ATP2C1: variants seen among roughly 807,000 people sequenced by gnomAD.
The protein encoded by ATP2C1 is calcium-transporting ATPase type 2C member 1.
ATP2C1 carries 31 observed loss-of-function variants against 120.5 expected under a neutral mutation model. The ratio of observed to expected loss-of-function variants is 0.26; its 90% CI spans 0.19 to 0.35. ATP2C1 has a LOEUF of 0.35. Ranked by LOEUF, ATP2C1 falls within the 10% of genes least tolerant of loss-of-function variation. ATP2C1 has a pLI of 1.00. For missense variants in ATP2C1, 731 were observed against 1,107.5 expected (o/e 0.66, Z 4.83); for synonymous variants, 351 against 358.7 (o/e 0.98, Z 0.24).
At chr3:130,971,923 G>C (rs773472659) in intron 17 of ATP2C1, among the ~76,000 whole-genome samples, 2 of 152,138 alleles carry the variant, frequency 1.3e-5, no homozygotes, top group South Asian at 2.1e-4. Flanking sequence ...ATACATGAAG[G>C]CTGGCATCTC....
At chr3:131,006,435 C>T (rs765442778), downstream of ATP2C1, among the ~76,000 whole-genome samples, 1 of 151,968 alleles carries the variant, frequency 6.6e-6, no homozygotes, top group African/African-American at 2.4e-5. Context: ...AAATTTTACT[C>T]GTAATTTTTT....
chr3:130,918,954 T>G (rs1489986903), intron 2 of ATP2C1: 2 of 370,558 alleles, frequency 5.4e-6, no homozygotes, highest in Admixed American at 3.5e-5. Flanking sequence ...ATCGCGCCAC[T>G]GCACTCCAGC....
chr3:130,951,061 G>A (rs1405246916), intron 8 of ATP2C1, among the ~76,000 whole-genome samples: 17 of 152,062 alleles, frequency 1.1e-4, no homozygotes, highest in Admixed American at 1.1e-3. Context: ...TAAGATCTTG[G>A]AAAGTTACGT....
chr3:130,920,731 A>G (rs1190249199), intron 2 of ATP2C1, among the ~76,000 whole-genome samples: 7 of 152,190 alleles, frequency 4.6e-5, no homozygotes, highest in Non-Finnish European at 1.0e-4. Context: ...TGGAATTTTG[A>G]TAGTGATTGC....
chr3:130,914,389 G>A (rs2058587527), intron 2 of ATP2C1: 1 of 152,032 alleles, frequency 6.6e-6, no homozygotes, highest in East Asian at 1.9e-4. Context: ...GAGTAGAAAG[G>A]TGTTGGATCT....
intron 8 of ATP2C1, among the ~76,000 whole-genome samples, chr3:130,942,209 G>C (rs954253372): frequency 2.0e-5 from 3 of 152,188 alleles, no homozygotes; most frequent in African/African-American, 7.2e-5. Flanking sequence ...AAATCACTAT[G>C]AACATTCCAG....
chr3:130,945,626 G>T (rs1193310900), intron 8 of ATP2C1, among the ~76,000 whole-genome samples: 1 of 150,532 alleles, frequency 6.6e-6, no homozygotes, highest in African/African-American at 2.4e-5. Flanking sequence ...TTTGGTTTTG[G>T]GTCCTTGTGA....
intron 8 of ATP2C1, among the ~76,000 whole-genome samples, chr3:130,946,132 G>T (rs1374509143): frequency 6.6e-6 from 1 of 152,124 alleles, no homozygotes; most frequent in East Asian, 1.9e-4. Context: ...TTCTTTCAGA[G>T]AATTACCACT....
At position 130,917,503 on chromosome 3, in the gene ATP2C1, A is replaced by C. The variant is rs148105408; in HGVS notation, c.7-12913A>C. On this transcript the variant is annotated intron_variant, in intron 2 of 27. Coordinates refer to ENST00000510168, the MANE Select transcript of ATP2C1 (RefSeq NM_001378687.1). ...CATAACAGCTGGGAATGAGTGCCAGAGTATTATTTCTGAATCTTGCTTACA... is the reference window on the plus strand; with the variant it reads ...CATAACAGCTGGGAATGAGTGCCAGCGTATTATTTCTGAATCTTGCTTACA... Among the ~76,000 whole-genome samples the C allele has an allele frequency of 5.6e-4, 85 of 152,344 alleles. 1 individual carries two copies. In the East Asian group the frequency reaches 0.01, roughly 18 times the overall value.
chr3:130,853,922 A>G (rs1416564474), intron 1 of ATP2C1, among the ~76,000 whole-genome samples: 1 of 152,226 alleles, frequency 6.6e-6, no homozygotes, highest in African/African-American at 2.4e-5. Context: ...TACTAGGCCT[A>G]GAAGTTCCCC....
chr3:130,955,927 G>A (rs2060561926), intron 10 of ATP2C1, 177 bp from the exon 11 acceptor site: 1 of 574,542 alleles, frequency 1.7e-6, no homozygotes, highest in Non-Finnish European at 3.2e-6. Flanking sequence ...GTGTGACCTT[G>A]GGCATTGTGT....
chr3:131,014,736 TAGAA>T (rs1385999375), intron 26 of ATP2C1, among the ~76,000 whole-genome samples: 1 of 152,210 alleles, frequency 6.6e-6, no homozygotes. Context: ...GGCAGTTTGT[TAGAA>T]TATGAGAAAA....
intron 1 of ATP2C1, among the ~76,000 whole-genome samples, chr3:130,867,064 G>C (rs2068201840): frequency 6.6e-6 from 1 of 151,982 alleles, no homozygotes; most frequent in Non-Finnish European, 1.5e-5. Context: ...AATTGTTGTG[G>C]GGTGCCCTGA....
At chr3:130,922,481 A>C (rs1426800441) in intron 2 of ATP2C1, among the ~76,000 whole-genome samples, 1 of 150,628 alleles carries the variant, frequency 6.6e-6, no homozygotes, top group African/African-American at 2.4e-5. Flanking sequence ...GATCTTTGTT[A>C]CTTATTTTCT....
chr3:131,012,273 T>C (rs1435076091), intron 26 of ATP2C1, among the ~76,000 whole-genome samples: 1 of 150,250 alleles, frequency 6.7e-6, no homozygotes, highest in African/African-American at 2.4e-5. Context: ...TTTTTTTTTT[T>C]TTTTGAGACA....
chr3:130,883,204 C>T (rs1559880845), intron 1 of ATP2C1, among the ~76,000 whole-genome samples: 1 of 152,014 alleles, frequency 6.6e-6, no homozygotes, highest in African/African-American at 2.4e-5. Flanking sequence ...CTATTTTCAT[C>T]TCTGATTTTA....
intron 5 of ATP2C1, among the ~76,000 whole-genome samples, 179 bp from the exon 6 acceptor site, chr3:130,937,249 T>G (rs1279754436): frequency 6.6e-6 from 1 of 152,242 alleles, no homozygotes; most frequent in Non-Finnish European, 1.5e-5. Context: ...GGCAAGCCAC[T>G]GTAAACTGTT....
downstream of ATP2C1, among the ~76,000 whole-genome samples, chr3:131,006,532 C>T (rs528502442): frequency 3.3e-4 from 50 of 152,160 alleles, no homozygotes; most frequent in Non-Finnish European, 6.3e-4. Context: ...AAGTTGAAAT[C>T]GTTTTTTCTC....
chr3:131,002,409 C>A lies in ATP2C1; in HGVS notation c.*1059C>A. On this transcript the variant is annotated 3_prime_UTR_variant, in exon 28 of 28. Transcript: ENST00000510168. ...TGTGGAAGATTCTTTGCTGGTCTTG[C>A]TCTGTGTGCATCTGAAGCTTCTTTG... 1 of 985,390 alleles carries A rather than the reference C, an allele frequency of 1.0e-6. No individual in the cohort carries two copies. Among genetic ancestry groups the A allele is most frequent in the Non-Finnish European group, 1.2e-6 (1 of 829,922 alleles). 61.0% of individuals were successfully genotyped at this position (985,390 alleles called of 1,614,324 possible).
Sources: allele counts gnomAD v4.1 joint callset (sites outside exome capture counted in the v4.1 genomes callset), GRCh38; gene constraint gnomAD v4.1.1; transcripts MANE v1.5; gene names NCBI Gene and HGNC (gene_info 2026-07-23, HGNC 2026-07-21).